The following NALF1 variants were observed in gnomAD, a reference collection of about 807,000 sequenced individuals.
NALF1 encodes NALCN channel auxiliary factor 1, also known as family with sequence similarity 155 member A.
In NALF1, 3 loss-of-function variants were observed where a neutral mutation model predicts 48.4. The observed-to-expected ratio is 0.06, with a 90% CI of 0.03 to 0.16. The LOEUF (loss-of-function observed/expected upper bound fraction) is 0.16. Among genes scored for constraint, NALF1 ranks in the 10% least tolerant of loss-of-function variants. The pLI is 1.00. For missense variants in NALF1, 526 were observed against 571.5 expected (o/e 0.92, Z 0.81); for synonymous variants, 262 against 245.7 (o/e 1.07, Z -0.62).
intron 1 of NALF1, among the ~76,000 whole-genome samples, chr13:107,697,424 T>C (rs1881723512): frequency 6.6e-6 from 1 of 152,190 alleles, no homozygotes; most frequent in Non-Finnish European, 1.5e-5. Context: ...TGAAATCTTA[T>C]CAAAATAATT....
chr13:107,751,277 G>A (rs902607424), intron 1 of NALF1, among the ~76,000 whole-genome samples: 1 of 152,164 alleles, frequency 6.6e-6, no homozygotes, highest in African/African-American at 2.4e-5. Flanking sequence ...CACGGTAGAG[G>A]TAAACAGAAG....
At chr13:107,790,982 C>T (rs1878214445) in intron 1 of NALF1, among the ~76,000 whole-genome samples, 1 of 151,962 alleles carries the variant, frequency 6.6e-6, no homozygotes, top group Admixed American at 6.6e-5. Context: ...TAAGATAATC[C>T]TGGAAGGAGA....
At chr13:107,678,800 C>G (rs1179576061) in intron 1 of NALF1, among the ~76,000 whole-genome samples, 1 of 152,168 alleles carries the variant, frequency 6.6e-6, no homozygotes, top group East Asian at 1.9e-4. Context: ...TGAGAACTCA[C>G]TATCACGAGA....
intron 1 of NALF1, among the ~76,000 whole-genome samples, chr13:107,441,085 AT>A (rs2139026125): frequency 6.6e-6 from 1 of 152,242 alleles, no homozygotes; most frequent in African/African-American, 2.4e-5. Flanking sequence ...CTTTTGTATA[AT>A]TTGTCATATT....
chr13:107,819,397 G>C (rs1879286818), intron 1 of NALF1, among the ~76,000 whole-genome samples: 1 of 152,086 alleles, frequency 6.6e-6, no homozygotes, highest in Non-Finnish European at 1.5e-5. Flanking sequence ...CAGCATTTCT[G>C]GCAACTGTGT....
intron 1 of NALF1, among the ~76,000 whole-genome samples, chr13:107,393,840 CATAAAAATTG>C (rs994142429): frequency 6.6e-6 from 1 of 151,980 alleles, no homozygotes; most frequent in African/African-American, 2.4e-5. Flanking sequence ...AGGCAGTTTA[CATAAAAATTG>C]ATAAAAATGA....
intron 1 of NALF1, among the ~76,000 whole-genome samples, chr13:107,675,875 C>A (rs1054917461): frequency 6.6e-6 from 1 of 152,186 alleles, no homozygotes; most frequent in Non-Finnish European, 1.5e-5. Context: ...ATACCTTCTT[C>A]TTGGCTCCAA....
chr13:107,353,322 GT>G (rs1882907614), intron 1 of NALF1, among the ~76,000 whole-genome samples: 1 of 152,194 alleles, frequency 6.6e-6, no homozygotes, highest in Non-Finnish European at 1.5e-5. Flanking sequence ...AAAGGGGAAA[GT>G]TTTCCTTCAA....
At chr13:107,643,915 T>C (rs377630065) in intron 1 of NALF1, among the ~76,000 whole-genome samples, 1 of 151,258 alleles carries the variant, frequency 6.6e-6, no homozygotes, top group African/African-American at 2.4e-5. Flanking sequence ...GAGAGAGAAG[T>C]TGAGAGTCAG....
chr13:107,366,107 A>G (rs962703774), intron 1 of NALF1, among the ~76,000 whole-genome samples: 24 of 152,246 alleles, frequency 1.6e-4, no homozygotes, highest in Non-Finnish European at 1.6e-4. Flanking sequence ...TTTGATAGAA[A>G]CAATAAAGTC....
At chr13:107,738,222 C>T (rs996733935) in intron 1 of NALF1, among the ~76,000 whole-genome samples, 4 of 152,146 alleles carry the variant, frequency 2.6e-5, no homozygotes, top group Non-Finnish European at 4.4e-5. Context: ...TTATGTCTTG[C>T]CAGAAAAGGA....
chr13:107,231,093 AAAC>A (rs1205775189), intron 1 of NALF1, among the ~76,000 whole-genome samples: 6 of 151,326 alleles, frequency 4.0e-5, no homozygotes, highest in Non-Finnish European at 8.8e-5. Flanking sequence ...AGAAAAGAAA[AAAC>A]AAAAAGGCAG....
At chr13:107,835,789 C>T (rs1024876144) in intron 1 of NALF1, among the ~76,000 whole-genome samples, 5 of 152,110 alleles carry the variant, frequency 3.3e-5, no homozygotes, top group Admixed American at 2.0e-4. Flanking sequence ...CTGGGGGTTT[C>T]GCATTCTTAT....
chr13:107,803,954 T>C (rs945004792), intron 1 of NALF1, among the ~76,000 whole-genome samples: 2 of 152,156 alleles, frequency 1.3e-5, no homozygotes, highest in Non-Finnish European at 2.9e-5. Context: ...CTCAGTGAAT[T>C]GCCTAAGACA....
intron 1 of NALF1, among the ~76,000 whole-genome samples, chr13:107,579,121 T>C (rs1459465286): frequency 1.3e-5 from 2 of 152,188 alleles, no homozygotes; most frequent in African/African-American, 2.4e-5. Flanking sequence ...AGACAGAGTC[T>C]CACTTTGTTG....
chr13:107,427,271 G>C (rs1336965388), intron 1 of NALF1, among the ~76,000 whole-genome samples: 1 of 151,514 alleles, frequency 6.6e-6, no homozygotes, highest in Non-Finnish European at 1.5e-5. Flanking sequence ...TTGTTTCTTA[G>C]AATAATCCTG....
chr13:107,388,359 G>A (rs1883565142), intron 1 of NALF1, among the ~76,000 whole-genome samples: 1 of 152,162 alleles, frequency 6.6e-6, no homozygotes, highest in African/African-American at 2.4e-5. Context: ...TCTGCTAAAA[G>A]CTCCATTCTC....
At chr13:107,634,720 T>C (rs1027827397) in intron 1 of NALF1, among the ~76,000 whole-genome samples, 7 of 151,914 alleles carry the variant, frequency 4.6e-5, no homozygotes, top group African/African-American at 1.7e-4. Context: ...AGAACTGCTG[T>C]GGTGAAAAAT....
At chr13:107,732,110 C>T (rs1051832995) in intron 1 of NALF1, among the ~76,000 whole-genome samples, 2 of 152,144 alleles carry the variant, frequency 1.3e-5, no homozygotes, top group Admixed American at 1.3e-4. Flanking sequence ...TCTATCAGCC[C>T]CCTGGGCAGC....
Sources: gnomAD v4.1 joint callset for allele counts (sites outside exome capture counted in the v4.1 genomes callset) on GRCh38, gnomAD v4.1.1 for gene constraint, MANE v1.5 for transcripts, NCBI Gene and HGNC (gene_info 2026-07-23, HGNC 2026-07-21) for gene names.